The following RALGPS1 variants were observed in gnomAD, a reference collection of about 807,000 sequenced individuals.
The protein encoded by RALGPS1 is Ral GEF with PH domain and SH3 binding motif 1, also known as ras-specific guanine nucleotide-releasing factor RalGPS1.
RALGPS1 carries 19 observed loss-of-function variants against 78.8 expected under a neutral mutation model. The observed-to-expected ratio is 0.24, with a 90% CI of 0.17 to 0.35. The LOEUF is 0.35. RALGPS1 is among the 10% of genes least tolerant of loss of function. The pLI is 1.00. For missense variants in RALGPS1, 454 were observed against 688.3 expected, an observed-to-expected ratio of 0.66 and a Z score of 3.81; for synonymous variants, 228 against 256.3, an observed-to-expected ratio of 0.89 and a Z score of 1.06.
chr9:127,159,498 G>A (rs888224652), intron 8 of RALGPS1, among the ~76,000 whole-genome samples: 1 of 152,158 alleles, frequency 6.6e-6, no homozygotes, highest in Non-Finnish European at 1.5e-5. Flanking sequence ...GACTGCCTGC[G>A]CCTGCCCCCT....
intron 8 of RALGPS1, chr9:127,093,761 T>C (rs1228023802): frequency 4.3e-6 from 7 of 1,613,864 alleles, no homozygotes; most frequent in Non-Finnish European, 5.9e-6. Context: ...CCTGAAGAAG[T>C]TAACAGAGCC....
intron 8 of RALGPS1, among the ~76,000 whole-genome samples, chr9:127,131,714 G>A (rs939731484): frequency 2.6e-5 from 4 of 152,172 alleles, no homozygotes; most frequent in Non-Finnish European, 4.4e-5. Context: ...GGAGGCTCCT[G>A]ACCCTCGTGT....
At chr9:126,998,191 G>T (rs569325035) in intron 4 of RALGPS1, among the ~76,000 whole-genome samples, 1 of 152,242 alleles carries the variant, frequency 6.6e-6, no homozygotes, top group South Asian at 2.1e-4. Context: ...AAACTAAAGA[G>T]CTTCTGCACA....
intron 4 of RALGPS1, among the ~76,000 whole-genome samples, chr9:127,032,889 A>G (rs936042982): frequency 3.3e-5 from 5 of 152,238 alleles, no homozygotes; most frequent in Non-Finnish European, 5.9e-5. Context: ...AAGAAGAATC[A>G]TAGTAAACAG....
chr9:127,191,474 T>A (rs561196337), intron 11 of RALGPS1, among the ~76,000 whole-genome samples: 3 of 152,308 alleles, frequency 2.0e-5, no homozygotes, highest in Admixed American at 2.0e-4. Flanking sequence ...CACTGACTGG[T>A]AATGCCGCCA....
chr9:127,193,986 C>T (rs914156602), intron 11 of RALGPS1, among the ~76,000 whole-genome samples: 7 of 152,218 alleles, frequency 4.6e-5, no homozygotes, highest in Non-Finnish European at 8.8e-5. Flanking sequence ...CCAGACATGG[C>T]TGAAGACATG....
At chr9:127,140,418 T>G (rs1030363289) in intron 8 of RALGPS1, among the ~76,000 whole-genome samples, 2 of 152,228 alleles carry the variant, frequency 1.3e-5, no homozygotes, top group African/African-American at 4.8e-5. Context: ...GTCTACCCCT[T>G]AGATCGTCAT....
At chr9:127,102,405 C>T (rs1441176847) in intron 8 of RALGPS1, among the ~76,000 whole-genome samples, 3 of 152,096 alleles carry the variant, frequency 2.0e-5, no homozygotes, top group Non-Finnish European at 4.4e-5. Flanking sequence ...TTCACCACAA[C>T]AATCCATTTG....
chr9:127,108,254 T>A, intron 8 of RALGPS1: 1 of 1,613,942 alleles, frequency 6.2e-7, no homozygotes, highest in Non-Finnish European at 8.5e-7. Context: ...AGGATCCTGT[T>A]CTCCAGCTGG....
intron 8 of RALGPS1, among the ~76,000 whole-genome samples, chr9:127,082,249 G>A (rs1233660008): frequency 1.3e-5 from 2 of 152,222 alleles, no homozygotes; most frequent in Non-Finnish European, 2.9e-5. Context: ...CAGGGGGGCT[G>A]ATGAGTCTGT....
At chr9:127,047,019 T>C (rs1478468505) in intron 5 of RALGPS1, among the ~76,000 whole-genome samples, 1 of 151,954 alleles carries the variant, frequency 6.6e-6, no homozygotes, top group African/African-American at 2.4e-5. Flanking sequence ...GTAACTGGTA[T>C]TGGCCTGTGT....
intron 13 of RALGPS1, 140 bp downstream of exon 13, chr9:127,196,771 A>G: frequency 1.9e-6 from 2 of 1,039,378 alleles, no homozygotes; most frequent in Admixed American, 2.7e-5. Context: ...CTCCCTGCAG[A>G]GGTGGCTGCC....
intron 1 of RALGPS1, among the ~76,000 whole-genome samples, chr9:126,928,573 A>G (rs757572624): frequency 1.3e-5 from 2 of 152,108 alleles, no homozygotes; most frequent in South Asian, 2.1e-4. Context: ...GCCTTTGCAC[A>G]AATACTACCA....
intron 5 of RALGPS1, among the ~76,000 whole-genome samples, chr9:127,045,782 C>T (rs921885156): frequency 6.8e-6 from 1 of 147,842 alleles, no homozygotes; most frequent in Non-Finnish European, 1.5e-5. Context: ...CACACACACA[C>T]ACACACACAC....
intron 8 of RALGPS1, among the ~76,000 whole-genome samples, chr9:127,074,884 C>T (rs984620370): frequency 6.6e-6 from 1 of 152,232 alleles, no homozygotes; most frequent in Non-Finnish European, 1.5e-5. Flanking sequence ...TTGTGGTTAC[C>T]ACCTGTGTCC....
At chr9:127,128,075 A>T (rs1335325418) in intron 8 of RALGPS1, among the ~76,000 whole-genome samples, 1 of 124,696 alleles carries the variant, frequency 8.0e-6, no homozygotes, top group Admixed American at 1.1e-4. Context: ...TTCAGCTCCC[A>T]CTTATGAATG....
At chr9:127,209,000 C>A (rs1198608611) in intron 14 of RALGPS1, among the ~76,000 whole-genome samples, 1 of 152,164 alleles carries the variant, frequency 6.6e-6, no homozygotes, top group Non-Finnish European at 1.5e-5. Flanking sequence ...GCAAAGGGGC[C>A]AGAGGGCCCT....
intron 11 of RALGPS1, chr9:127,184,322 GAA>G (rs1339192496): frequency 3.7e-3 from 794 of 215,054 alleles, no homozygotes; most frequent in South Asian, 9.3e-3. Flanking sequence ...CTTGTCTCAG[GAA>G]AAAAAAAAAA....
chr9:126,962,350 C>A lies in RALGPS1; in HGVS notation c.57+4C>A. The A allele has an allele frequency of 6.2e-7, 1 of 1,614,046 alleles. No homozygotes were observed. The highest frequency in any genetic ancestry group is 8.5e-7 in the Non-Finnish European group (1 of 1,179,946). The stretch of plus-strand genomic sequence containing the variant: ...GGTCACCTCTGCCACTCCACAGGTA[C>A]TGAGGCTGCAAGAATCGGGACAGTG... On this transcript the variant is annotated splice_donor_region_variant and intron_variant, in intron 2 of 18. Transcript: ENST00000259351.
Sources: gnomAD v4.1 joint callset for allele counts (sites outside exome capture counted in the v4.1 genomes callset) on GRCh38, gnomAD v4.1.1 for gene constraint, MANE v1.5 for transcripts, NCBI Gene and HGNC (gene_info 2026-07-23, HGNC 2026-07-21) for gene names.